IFNA14: variants seen among roughly 807,000 people sequenced by gnomAD.
IFNA14 encodes interferon alpha 14.
For synonymous variants in IFNA14, 113 were observed against 76.8 expected, an observed-to-expected ratio of 1.47 and a Z score of -2.46; for missense variants, 337 against 214.9, an observed-to-expected ratio of 1.57 and a Z score of -3.55.
chr9:21,239,846 G>T lies in IFNA14; in HGVS notation c.90C>A (p.His30Gln). The change falls in exon 1 of 1, where the codon CAC (histidine) becomes CAA (glutamine). Residue 30 changes from histidine (H) to glutamine (Q), a missense_variant. By Grantham distance (24) the His-to-Gln change is conservative. Transcript: ENST00000380222. ...CSLGCNLSQT[H>Q]SLNNRRTLML... ...TCAAAGTCCTCCTGTTATTCAGGCTGTGGGTTTGAGACAGATTACAGCCCA... is the reference window on the plus strand; with the variant it reads ...TCAAAGTCCTCCTGTTATTCAGGCTTTGGGTTTGAGACAGATTACAGCCCA... 1 of 1,614,096 alleles carries T rather than the reference G, an allele frequency of 6.2e-7. No individual in the cohort carries two copies. Among genetic ancestry groups the T allele is most frequent in the Non-Finnish European group, 8.5e-7 (1 of 1,179,976 alleles).
In IFNA14 at chr9:21,239,255, G is replaced by C. The variant is rs889336600; in HGVS notation, c.*111C>G. The stretch of plus-strand genomic sequence containing the variant: ...ACTCCTGAAAACATTTGAAAATTTT[G>C]ATTCAACTTGTGGTGGTTATAGGAG... On this transcript the variant is annotated 3_prime_UTR_variant, in exon 1 of 1. Coordinates refer to ENST00000380222, the MANE Select transcript of IFNA14 (RefSeq NM_002172.3). 2.6e-6 allele frequency: 4 copies of C among 1,555,768 alleles called. No individual in the cohort carries two copies. The highest frequency in any genetic ancestry group is 2.8e-5 in the African/African-American group (2 of 72,110).
In IFNA14 at chr9:21,239,539, G is replaced by A. The variant is rs147012679; in HGVS notation, c.397C>T (p.Pro133Ser). 2 of 1,614,090 alleles carry A rather than the reference G, an allele frequency of 1.2e-6. No individual in the cohort carries two copies. Among genetic ancestry groups the A allele is most frequent in the South Asian group, 1.1e-5 (1 of 91,078 alleles). Residue 133 changes from proline (P) to serine (S), a missense_variant, in exon 1 of 1, where the codon CCC becomes TCC. Physicochemically the swap from Pro to Ser is moderately conservative, Grantham distance 74. Coordinates refer to ENST00000380222, the MANE Select transcript of IFNA14 (RefSeq NM_002172.3). ...VIQEVGVEET[P>S]LMNEDSILAV... ...AGGATGGAGTCCTCATTCATCAGGG[G>A]AGTCTCTTCCACCCCAACCTCCTGT...
At position 21,239,985 on chromosome 9, in the gene IFNA14, AC is replaced by A; in HGVS notation, c.-51del. 1.3e-6 allele frequency: 2 copies of A among 1,511,392 alleles called. No homozygotes were observed. The highest frequency in any genetic ancestry group is 1.8e-6 in the Non-Finnish European group (2 of 1,091,164). The allele number at this position is 1,511,392 out of a possible 1,614,324, so 93.6% of individuals were successfully genotyped here. ...GCTGGTTGATGAGGGGTAACACTGA[AC>A]CTTGGGTTGTAGGTTTTCTGAAGAC... On this transcript the variant is annotated 5_prime_UTR_variant, in exon 1 of 1. Coordinates refer to ENST00000380222, the MANE Select transcript of IFNA14 (RefSeq NM_002172.3).
rs761786525 is a variant in IFNA14, at chr9:21,239,348, T to A, written c.*18A>T. ...GATGTATTAGTCAATGAGAATCATT[T>A]CCATGATGAACCAGTTTTCAATCCT... On this transcript the variant is annotated 3_prime_UTR_variant, in exon 1 of 1. Transcript: ENST00000380222. The A allele has an allele frequency of 6.2e-7, 1 of 1,613,124 alleles. No homozygotes were observed. Among genetic ancestry groups the A allele is most frequent in the Non-Finnish European group, 8.5e-7 (1 of 1,179,754 alleles).
At position 21,239,305 on chromosome 9, in the gene IFNA14, C is replaced by T. The variant is rs1217425479; in HGVS notation, c.*61G>A. 1.2e-6 allele frequency: 2 copies of T among 1,600,454 alleles called. No homozygotes were observed. The highest frequency in any genetic ancestry group is 1.9e-4 in the Middle Eastern group (1 of 5,218). On this transcript the variant is annotated 3_prime_UTR_variant, in exon 1 of 1. Transcript: ENST00000380222. ...GAAGTGAGTCTTTGAAATGGAAGAA[C>T]TCATGAAAGTGTGAGATGATGTATT... is the stretch of plus-strand genomic sequence containing the variant.
chr9:21,239,849 G>C lies in IFNA14; in HGVS notation c.87C>G (p.Thr29=). 1 of 1,614,082 alleles carries C rather than the reference G, an allele frequency of 6.2e-7. No individual in the cohort carries two copies. The highest frequency in any genetic ancestry group is 1.1e-5 in the South Asian group (1 of 91,080). Residue 29 remains threonine, a synonymous_variant, in exon 1 of 1, where the codon ACC becomes ACG. Coordinates refer to ENST00000380222, the MANE Select transcript of IFNA14 (RefSeq NM_002172.3). Reference sequence around the variant, plus strand: ...AAGTCCTCCTGTTATTCAGGCTGTGGGTTTGAGACAGATTACAGCCCAGAG... The same window carrying C: ...AAGTCCTCCTGTTATTCAGGCTGTGCGTTTGAGACAGATTACAGCCCAGAG... The part of the protein sequence containing the change: ...SCSLGCNLSQ[T]HSLNNRRTLM...
chr9:21,239,174 G>C lies in IFNA14; in HGVS notation c.*192C>G. 1 of 604,558 alleles carries C rather than the reference G, an allele frequency of 1.7e-6. No homozygotes were observed. The highest frequency in any genetic ancestry group is 1.9e-5 in the African/African-American group (1 of 51,870). 37.4% of individuals were successfully genotyped at this position (604,558 alleles called of 1,614,324 possible). A position where few individuals can be genotyped will look rare whatever the true frequency, so the allele number is the denominator to read the frequency against. ...AATAAATAGATGAAAGGAGACATCA[G>C]CATGGTCATCTGTAAAGGACTAGTG... On this transcript the variant is annotated 3_prime_UTR_variant, in exon 1 of 1. Transcript: ENST00000380222.
chr9:21,239,634 T>C lies in IFNA14; in HGVS notation c.302A>G (p.Asp101Gly), dbSNP rs376444648. The C allele has an allele frequency of 5.0e-6, 8 of 1,613,812 alleles. No homozygotes were observed. The African/African-American group carries it at 1.1e-4, about 22-fold the overall frequency. Residue 101 changes from aspartate to glycine, a missense_variant, in exon 1 of 1, where the codon GAT (aspartate) becomes GGT (glycine). Physicochemically the swap from Asp to Gly is moderately conservative, Grantham distance 94. Coordinates refer to ENST00000380222, the MANE Select transcript of IFNA14 (RefSeq NM_002172.3). ...GTAGAATTTTTCTAGGAGGGTCTCA[T>C]CCCAAGCAGCAGATGAGTTCTTTGT... ...FSTKNSSAAW[D>G]ETLLEKFYIE...
In IFNA14 at chr9:21,239,139, T is replaced by C. The variant is rs981706007; in HGVS notation, c.*227A>G. 6.9e-6 allele frequency: 2 copies of C among 290,140 alleles called. No homozygotes were observed. The highest frequency in any genetic ancestry group is 1.2e-5 in the Non-Finnish European group (2 of 163,214). The allele number at this position is 290,140 out of a possible 1,614,324, so 18.0% of individuals were successfully genotyped here. ...TAAATAATAAAAATAGTTAAATAAA[T>C]AAATATTTAAATAAATAGATGAAAG... On this transcript the variant is annotated 3_prime_UTR_variant, in exon 1 of 1. Transcript: ENST00000380222.
rs769591408 is a variant in IFNA14 at position 21,239,501 on chromosome 9, T to C, written c.435A>G (p.Lys145=). ...MNEDSILAVK[K]YFQRITLYLM... ...GATAAAGAGTGATTCTTTGGAAGTA[T>C]TTCTTCACAGCCAGGATGGAGTCCT... is the stretch of plus-strand genomic sequence containing the variant. Residue 145 remains lysine, a synonymous_variant, in exon 1 of 1, where the codon AAA becomes AAG. Coordinates refer to ENST00000380222, the MANE Select transcript of IFNA14 (RefSeq NM_002172.3). 2.0e-5 allele frequency: 32 copies of C among 1,614,170 alleles called. No homozygotes were observed. The South Asian group carries it at 2.9e-4, about 14-fold the overall frequency.
Position 21,239,765 on chromosome 9 carries a change from A to G in IFNA14, c.171T>C (p.His57=), listed in dbSNP as rs111726417. ...ATTCCTCCTGGGGAAATTCAAAGTC[A>G]TGTCTGTCCTTCAGGCAGGAGAAAG... The part of the protein sequence containing the change: ...ISPFSCLKDR[H]DFEFPQEEFD... Residue 57 remains histidine, a synonymous_variant, in exon 1 of 1, where the codon CAT becomes CAC. Transcript: ENST00000380222. The G allele has an allele frequency of 4.3e-6, 7 of 1,614,090 alleles. No individual in the cohort carries two copies. The African/African-American group carries it at 6.7e-5, about 15-fold the overall frequency.
chr9:21,239,789 A>G lies in IFNA14; in HGVS notation c.147T>C (p.Pro49=), dbSNP rs779812406. The G allele has an allele frequency of 6.9e-5, 111 of 1,614,036 alleles. No homozygotes were observed. The highest frequency in any genetic ancestry group is 9.0e-5 in the Non-Finnish European group (106 of 1,180,016). Residue 49 remains proline, a synonymous_variant, in exon 1 of 1, where the codon CCT becomes CCC. Coordinates refer to ENST00000380222, the MANE Select transcript of IFNA14 (RefSeq NM_002172.3). The part of the protein sequence containing the change: ...MLMAQMRRIS[P]FSCLKDRHDF... Reference sequence around the variant, plus strand: ...CATGTCTGTCCTTCAGGCAGGAGAAAGGAGAGATTCTCCTCATTTGTGCCA... The same window carrying G: ...CATGTCTGTCCTTCAGGCAGGAGAAGGGAGAGATTCTCCTCATTTGTGCCA...
At position 21,239,305 on chromosome 9, in the gene IFNA14, C is replaced by G. The variant is rs1217425479; in HGVS notation, c.*61G>C. 1.2e-6 allele frequency: 2 copies of G among 1,600,334 alleles called. No individual in the cohort carries two copies. The highest frequency in any genetic ancestry group is 1.7e-6 in the Non-Finnish European group (2 of 1,176,472). ...GAAGTGAGTCTTTGAAATGGAAGAA[C>G]TCATGAAAGTGTGAGATGATGTATT... is the stretch of plus-strand genomic sequence containing the variant. On this transcript the variant is annotated 3_prime_UTR_variant, in exon 1 of 1. Transcript: ENST00000380222.
In IFNA14 at chr9:21,239,328, A is replaced by G. The variant is rs1421531002; in HGVS notation, c.*38T>C. 4 of 1,611,772 alleles carry G rather than the reference A, an allele frequency of 2.5e-6. No homozygotes were observed. The highest frequency in any genetic ancestry group is 1.7e-5 in the Admixed American group (1 of 59,462). On this transcript the variant is annotated 3_prime_UTR_variant, in exon 1 of 1. Transcript: ENST00000380222. ...AACTCATGAAAGTGTGAGATGATGTATTAGTCAATGAGAATCATTTCCATG... is the reference window on the plus strand; with the variant it reads ...AACTCATGAAAGTGTGAGATGATGTGTTAGTCAATGAGAATCATTTCCATG...
At position 21,239,804 on chromosome 9, in the gene IFNA14, C is replaced by A; in HGVS notation, c.132G>T (p.Met44Ile). The A allele has an allele frequency of 6.2e-7, 1 of 1,614,108 alleles. No individual in the cohort carries two copies. The highest frequency in any genetic ancestry group is 2.2e-5 in the East Asian group (1 of 44,866). Residue 44 changes from methionine (M) to isoleucine (I), a missense_variant, in exon 1 of 1, where the codon ATG becomes ATT. Physicochemically the swap from Met to Ile is conservative, Grantham distance 10. Coordinates refer to ENST00000380222, the MANE Select transcript of IFNA14 (RefSeq NM_002172.3). ...GGCAGGAGAAAGGAGAGATTCTCCT[C>A]ATTTGTGCCATGAGCATCAAAGTCC... ...NRRTLMLMAQMRRISPFSCLK... is the reference protein window; with the variant it reads ...NRRTLMLMAQIRRISPFSCLK...
chr9:21,239,964 G>T lies in IFNA14; in HGVS notation c.-29C>A, dbSNP rs368502113. 6.3e-7 allele frequency: 1 copy of T among 1,590,852 alleles called. No individual in the cohort carries two copies. Among genetic ancestry groups the T allele is most frequent in the African/African-American group, 1.3e-5 (1 of 74,458 alleles). Reference sequence around the variant, plus strand: ...GAATCCCGAAGATGCTGCTGGGCTGGTTGATGAGGGGTAACACTGAACCTT... The same window carrying T: ...GAATCCCGAAGATGCTGCTGGGCTGTTTGATGAGGGGTAACACTGAACCTT... On this transcript the variant is annotated 5_prime_UTR_variant, in exon 1 of 1. Transcript: ENST00000380222.
rs750015464 is a variant in IFNA14 at position 21,239,752 on chromosome 9, G to A, written c.184C>T (p.Pro62Ser). ...TGGTTGCCATCAAATTCCTCCTGGG[G>A]AAATTCAAAGTCATGTCTGTCCTTC... Reference protein sequence around the residue: ...CLKDRHDFEFPQEEFDGNQFQ... With the variant: ...CLKDRHDFEFSQEEFDGNQFQ... The change falls in exon 1 of 1, where the codon CCC becomes TCC. Residue 62 changes from proline (P) to serine (S), a missense_variant. Coordinates refer to ENST00000380222, the MANE Select transcript of IFNA14 (RefSeq NM_002172.3). 6.2e-7 allele frequency: 1 copy of A among 1,614,114 alleles called. No homozygotes were observed. The highest frequency in any genetic ancestry group is 8.5e-7 in the Non-Finnish European group (1 of 1,180,004).
Position 21,239,951 on chromosome 9 carries a change from T to A in IFNA14, c.-16A>T. ...GCAATGCCATTGGGAATCCCGAAGA[T>A]GCTGCTGGGCTGGTTGATGAGGGGT... On this transcript the variant is annotated 5_prime_UTR_variant, in exon 1 of 1. Transcript: ENST00000380222. 1 of 1,611,672 alleles carries A rather than the reference T, an allele frequency of 6.2e-7. No homozygotes were observed.
In IFNA14 at chr9:21,239,585, A is replaced by G; in HGVS notation, c.351T>C (p.Asn117=). 5.0e-6 allele frequency: 8 copies of G among 1,613,958 alleles called. No individual in the cohort carries two copies. The highest frequency in any genetic ancestry group is 1.7e-4 in the Middle Eastern group (1 of 6,060). ...CCTGTATCACACAGGCTTCCAGGTC[A>G]TTCATTTGCTGGAAAAGTTCAATGT... The part of the protein sequence containing the change: ...KFYIELFQQM[N]DLEACVIQEV... Residue 117 remains asparagine, a synonymous_variant, in exon 1 of 1, where the codon AAT becomes AAC. Coordinates refer to ENST00000380222, the MANE Select transcript of IFNA14 (RefSeq NM_002172.3).
Sources: allele counts gnomAD v4.1 joint callset, GRCh38; gene constraint gnomAD v4.1.1; transcripts MANE v1.5; gene names NCBI Gene and HGNC (gene_info 2026-07-23, HGNC 2026-07-21).